The following TTYH1 variants were observed in gnomAD, a reference collection of about 807,000 sequenced individuals.
TTYH1 encodes tweety family member 1.
TTYH1 carries 33 observed loss-of-function variants against 61.2 expected under a neutral mutation model. That is an observed-to-expected ratio of 0.54 (90% CI 0.41 to 0.72). The LOEUF (loss-of-function observed/expected upper bound fraction) is 0.72. Ranked by LOEUF, TTYH1 falls within the 30% of genes least tolerant of loss-of-function variation. TTYH1 has a pLI of 0.00. For missense variants in TTYH1, 538 were observed against 575.8 expected, an observed-to-expected ratio of 0.93 and a Z score of 0.67; for synonymous variants, 308 against 266.4, an observed-to-expected ratio of 1.16 and a Z score of -1.52.
chr19:54,421,538 T>C lies in TTYH1; in HGVS notation c.417+150T>C. 1 of 655,412 alleles carries C rather than the reference T, an allele frequency of 1.5e-6. No individual in the cohort carries two copies. The highest frequency in any genetic ancestry group is 1.7e-5 in the South Asian group (1 of 58,386). 40.6% of individuals were successfully genotyped at this position (655,412 alleles called of 1,614,324 possible). On this transcript the variant is annotated intron_variant, in intron 3 of 13. Coordinates refer to ENST00000376530, the MANE Select transcript of TTYH1 (RefSeq NM_020659.4). This position sits in a 1 kb window ranked among gnomAD's most constrained non-coding sequence, Gnocchi z 4.8. ...AACTTCATCCTGAGACCCACAGACC[T>C]CAGACTATCCACCCAACCCCCGACC...
intron 7 of TTYH1, 43 bp from the exon 8 acceptor site, chr19:54,430,507 G>A: frequency 6.2e-7 from 1 of 1,606,454 alleles, no homozygotes; most frequent in Non-Finnish European, 8.5e-7. Context: ...ATCCCTGGGG[G>A]CCCAGGCTCA....
chr19:54,427,603 C>CAAA (rs2083352489), intron 5 of TTYH1, among the ~76,000 whole-genome samples: 1 of 32,884 alleles, frequency 3.0e-5, no homozygotes, highest in African/African-American at 8.1e-5. Flanking sequence ...GACTCCATTT[C>CAAA]AAAAACAACA....
At position 54,431,116 on chromosome 19, in the gene TTYH1, G is replaced by C. The variant is rs1450340603; in HGVS notation, c.1050G>C (p.Leu350Phe). ...CCCCGCAGAAGCCTCTGCTGTCCTT[G>C]GAGGAGACTCTGAATGTGACAGAAG... ...FPSAQKPLLS[L>F]EETLNVTEGN... Residue 350 changes from leucine (L) to phenylalanine (F), a missense_variant, in exon 10 of 14, where the codon TTG becomes TTC. By Grantham distance (22) the Leu-to-Phe change is conservative. This residue lies in a region of TTYH1 where 378 missense variants were observed against 401.2 expected (regional missense o/e 0.94). Transcript: ENST00000376530. The C allele has an allele frequency of 6.2e-7, 1 of 1,613,674 alleles. No individual in the cohort carries two copies. The highest frequency in any genetic ancestry group is 1.3e-5 in the African/African-American group (1 of 75,014).
At position 54,429,858 on chromosome 19, in the gene TTYH1, C is replaced by G; in HGVS notation, c.808-24C>G. ...GAATCGGGGCAGTTTTGGGTTTGAG[C>G]CCCTTTTCTGCTGCCTCACGCAGGG... On this transcript the variant is annotated intron_variant, in intron 6 of 13. Transcript: ENST00000376530. This position sits in a 1 kb window ranked among gnomAD's most constrained non-coding sequence, Gnocchi z 5.1. The G allele has an allele frequency of 6.2e-7, 1 of 1,610,738 alleles. No homozygotes were observed. Among genetic ancestry groups the G allele is most frequent in the Non-Finnish European group, 8.5e-7 (1 of 1,177,608 alleles).
intron 5 of TTYH1, among the ~76,000 whole-genome samples, chr19:54,427,618 C>CAAA (rs200460828): frequency 0.029 from 4,123 of 140,100 alleles, 91 homozygotes; most frequent in South Asian, 0.096. Context: ...ACAACAACAA[C>CAAA]AAAAAAAAAA....
At chr19:54,431,461 C>T in intron 10 of TTYH1, 1 of 521,890 alleles carries the variant, frequency 1.9e-6, no homozygotes, top group Non-Finnish European at 3.4e-6. Flanking sequence ...ATCCCACCCT[C>T]CCCGTCCCTT....
At chr19:54,435,971 G>A in intron 12 of TTYH1, 98 bp downstream of exon 12, 2 of 1,582,364 alleles carry the variant, frequency 1.3e-6, no homozygotes, top group Non-Finnish European at 1.7e-6. Context: ...TGGGTCTGAG[G>A]GAGGAGGGGC....
intron 4 of TTYH1, among the ~76,000 whole-genome samples, chr19:54,425,188 G>A (rs916527443): frequency 6.6e-6 from 1 of 152,242 alleles, no homozygotes; most frequent in African/African-American, 2.4e-5. Flanking sequence ...CCTGGATCAC[G>A]AGCACAGTGG....
chr19:54,431,232 C>T (rs753612801), intron 10 of TTYH1, 41 bp downstream of exon 10: 518 of 1,463,250 alleles, frequency 3.5e-4, no homozygotes, highest in Non-Finnish European at 4.5e-4. Flanking sequence ...CCACGGGGGG[C>T]CTCTGTCTCG....
intron 1 of TTYH1, among the ~76,000 whole-genome samples, chr19:54,417,824 A>C (rs2083120024): frequency 6.6e-6 from 1 of 151,982 alleles, no homozygotes; most frequent in South Asian, 2.1e-4. Flanking sequence ...ACACACACAC[A>C]ACCGGACCCA....
At chr19:54,430,986 G>A in intron 9 of TTYH1, 81 bp downstream of exon 9, 4 of 1,549,732 alleles carry the variant, frequency 2.6e-6, no homozygotes, top group Non-Finnish European at 3.5e-6. Flanking sequence ...GGGCGTAGGC[G>A]GGGCTGCAGA....
At chr19:54,425,367 G>A (rs1252547006) in intron 4 of TTYH1, among the ~76,000 whole-genome samples, 1 of 152,224 alleles carries the variant, frequency 6.6e-6, no homozygotes, top group African/African-American at 2.4e-5. Context: ...CATACAACGG[G>A]AGGGGACCCA....
At chr19:54,418,007 G>GACACACACAC (rs35160501) in intron 1 of TTYH1, among the ~76,000 whole-genome samples, 4 of 148,272 alleles carry the variant, frequency 2.7e-5, no homozygotes, top group South Asian at 2.1e-4. Context: ...ACACACTTGG[G>GACACACACAC]ACACACACAC....
chr19:54,426,632 A>T, intron 4 of TTYH1, 41 bp from the exon 5 acceptor site: 1 of 1,546,806 alleles, frequency 6.5e-7, no homozygotes, highest in Non-Finnish European at 8.9e-7. Flanking sequence ...GGGTGCCTGG[A>T]GGCAGGTTTG....
At chr19:54,430,425 C>A in intron 7 of TTYH1, 125 bp from the exon 8 acceptor site, 1 of 1,025,268 alleles carries the variant, frequency 9.8e-7, no homozygotes, top group South Asian at 1.4e-5. Context: ...GAAGGTAAGG[C>A]CATCGGGCTC....
At position 54,419,286 on chromosome 19, in the gene TTYH1, T is replaced by C. The variant is rs1392979346; in HGVS notation, c.285T>C (p.Ile95=). The part of the protein sequence containing the change: ...PGGGCVTWSC[I]VALLAGCTGI... Reference sequence around the variant, plus strand: ...GAGGCTGCGTCACCTGGAGCTGCATTGTCGCCCTTCTCGCCGGCTGGTAAT... The same window carrying C: ...GAGGCTGCGTCACCTGGAGCTGCATCGTCGCCCTTCTCGCCGGCTGGTAAT... Residue 95 remains isoleucine, a synonymous_variant, in exon 2 of 14, where the codon ATT becomes ATC. Transcript: ENST00000376530. This position sits in a 1 kb window ranked among gnomAD's most constrained non-coding sequence, Gnocchi z 6.1. The C allele has an allele frequency of 1.3e-6, 2 of 1,598,830 alleles. No homozygotes were observed. The highest frequency in any genetic ancestry group is 2.2e-5 in the South Asian group (2 of 90,918).
chr19:54,426,769 G>A lies in TTYH1; in HGVS notation c.734+1G>A. On this transcript the variant is annotated splice_donor_variant, in intron 5 of 13. Coordinates refer to ENST00000376530, the MANE Select transcript of TTYH1 (RefSeq NM_020659.4). LOFTEE classifies it high-confidence loss of function. ...AGCAGAGCAAGTGGCTGGTGATCGT[G>A]TAAGTGCAGGCAGTAGGGGGACCCA... is the stretch of plus-strand genomic sequence containing the variant. 3 of 1,613,342 alleles carry A rather than the reference G, an allele frequency of 1.9e-6. No homozygotes were observed. The highest frequency in any genetic ancestry group is 2.5e-6 in the Non-Finnish European group (3 of 1,179,834).
At position 54,434,563 on chromosome 19, in the gene TTYH1, C is replaced by T. The variant is rs1311841682; in HGVS notation, c.1126-979C>T. 1.3e-5 allele frequency: 2 copies of T among 152,542 alleles called. No homozygotes were observed. Among genetic ancestry groups the T allele is most frequent in the Middle Eastern group, 3.1e-3 (1 of 318 alleles). 9.4% of individuals were successfully genotyped at this position (152,542 alleles called of 1,614,324 possible). A position where few individuals can be genotyped will look rare whatever the true frequency, so the allele number is the denominator to read the frequency against. Reference sequence around the variant, plus strand: ...CAGCCTCTGAGATGACCTTCTCGGTCCTGTTTACCGAAGTTTCCTGGTACT... The same window carrying T: ...CAGCCTCTGAGATGACCTTCTCGGTTCTGTTTACCGAAGTTTCCTGGTACT... On this transcript the variant is annotated intron_variant, in intron 10 of 13. Transcript: ENST00000376530. The surrounding 1 kb of genome is among the most constrained non-coding windows in gnomAD (Gnocchi z 4.3).
rs1311096017 is a variant in TTYH1, at chr19:54,419,875, G to C, written c.305+569G>C. ...CCTCGTGCAGCTTATGTTCTAATCA[G>C]GGAGACGGACGATAAATAGATATAA... is the stretch of plus-strand genomic sequence containing the variant. On this transcript the variant is annotated intron_variant, in intron 2 of 13. Coordinates refer to ENST00000376530, the MANE Select transcript of TTYH1 (RefSeq NM_020659.4). The surrounding 1 kb of genome is among the most constrained non-coding windows in gnomAD (Gnocchi z 6.1). Among the ~76,000 whole-genome samples, 1 of 152,132 alleles carries C rather than the reference G, an allele frequency of 6.6e-6. No individual in the cohort carries two copies. Among genetic ancestry groups the C allele is most frequent in the Non-Finnish European group, 1.5e-5 (1 of 68,022 alleles).
Sources: allele counts gnomAD v4.1 joint callset (sites outside exome capture counted in the v4.1 genomes callset), GRCh38; gene constraint gnomAD v4.1.1; regional missense constraint gnomAD v4.1.1; non-coding constraint Gnocchi (gnomAD v3.1); transcripts MANE v1.5; gene names NCBI Gene and HGNC (gene_info 2026-07-23, HGNC 2026-07-21).